The following TAF15 variants were observed in gnomAD, a reference collection of about 807,000 sequenced individuals.
TAF15 encodes the protein TATA-box binding protein associated factor 15, also known as TATA-binding protein-associated factor 2N.
Under a neutral mutation model 102.5 loss-of-function variants are expected in TAF15, and 37 were observed. That is an observed-to-expected ratio of 0.36 (90% confidence interval 0.28 to 0.47). The LOEUF (loss-of-function observed/expected upper bound fraction) is 0.47, where lower values mean the gene tolerates loss of function less well. Ranked by LOEUF, TAF15 falls within the 20% of genes least tolerant of loss-of-function variation. The pLI is 0.99. For missense variants in TAF15, 652 were observed against 760.7 expected, an observed-to-expected ratio of 0.86 and a Z score of 1.68; for synonymous variants, 273 against 259.2, an observed-to-expected ratio of 1.05 and a Z score of -0.51.
At chr17:35,842,283 A>T (rs1187763872) in intron 11 of TAF15, 84 bp from the exon 12 acceptor site, 1 of 1,044,156 alleles carries the variant, frequency 9.6e-7, no homozygotes. Context: ...CTCTGAAACT[A>T]AAGATTTCCA....
At chr17:35,845,649 A>G (rs979655334) in intron 15 of TAF15, among the ~76,000 whole-genome samples, 1 of 152,114 alleles carries the variant, frequency 6.6e-6, no homozygotes, top group African/African-American at 2.4e-5. Context: ...AGCTGGGACT[A>G]TGGGCGCCCG....
intron 1 of TAF15, among the ~76,000 whole-genome samples, chr17:35,814,865 T>G (rs910845045): frequency 1.3e-5 from 2 of 149,278 alleles, no homozygotes; most frequent in African/African-American, 5.0e-5. Flanking sequence ...AAAAAAAAAG[T>G]GTGTGTGTAT....
At chr17:35,817,069 G>A (rs988810531) in intron 1 of TAF15, 3 of 152,110 alleles carry the variant, frequency 2.0e-5, no homozygotes, top group Admixed American at 1.3e-4. Context: ...GCTTCCCATA[G>A]TGCTGGGATT....
At chr17:35,834,296 C>G in intron 8 of TAF15, 1 of 450,082 alleles carries the variant, frequency 2.2e-6, no homozygotes, top group South Asian at 3.6e-5. Context: ...TCAGCCTTTA[C>G]AACCAGAGCT....
At chr17:35,832,284 G>A (rs900082157) in intron 7 of TAF15, among the ~76,000 whole-genome samples, 2 of 152,122 alleles carry the variant, frequency 1.3e-5, no homozygotes, top group Admixed American at 6.5e-5. Context: ...TATAGGAAGG[G>A]CCTGAGTTTC....
rs775800221 is a variant in TAF15, at chr17:35,844,882, G to C, written c.1583G>C (p.Arg528Pro). The C allele has an allele frequency of 9.3e-6, 15 of 1,613,132 alleles. No homozygotes were observed. The South Asian group carries it at 1.6e-4, about 18-fold the overall frequency. The change falls in exon 15 of 16, where the codon CGG becomes CCG. Residue 528 changes from arginine to proline, a missense_variant. This residue lies in a region of TAF15 where 368 missense variants were observed against 367.5 expected (regional missense o/e 1.00). Transcript: ENST00000605844. ...GGAGGCTATGGAGGAGACAGAAGCC[G>C]GGGGGGCTATGGAGGAGACCGTGGT... ...DRGGYGGDRSRGGYGGDRGGG... is the reference protein window; with the variant it reads ...DRGGYGGDRSPGGYGGDRGGG...
At chr17:35,838,202 A>G (rs1366392993) in intron 10 of TAF15, among the ~76,000 whole-genome samples, 14 of 152,154 alleles carry the variant, frequency 9.2e-5, no homozygotes, top group Admixed American at 9.2e-4. Context: ...AATTATACAT[A>G]GATAAAACAG....
Position 35,809,724 on chromosome 17 carries a change from T to C in TAF15, c.7+148T>C, listed in dbSNP as rs1412785074. ...GGGGGCGGCCGCTGCCGCCGCCATG[T>C]TGAACTGGAGGCACGCACGCTCCCA... On this transcript the variant is annotated intron_variant, in intron 1 of 15. Transcript: ENST00000605844. 3.6e-6 allele frequency: 4 copies of C among 1,103,136 alleles called. No individual in the cohort carries two copies. The African/African-American group carries it at 6.2e-5, about 17-fold the overall frequency. The allele number at this position is 1,103,136 out of a possible 1,614,324, so 68.3% of individuals were successfully genotyped here.
rs780144032 is a variant in TAF15 at position 35,822,710 on chromosome 17, G to A, written c.361G>A (p.Gly121Ser). ...GQQDSYDQQS[G>S]YDQHQGSYDE... ...ACAAGATTCATATGACCAGCAGTCA[G>A]GCTATGATCAACATCAAGGCTCATA... is the stretch of plus-strand genomic sequence containing the variant. Residue 121 changes from glycine (G) to serine (S), a missense_variant, in exon 6 of 16, where the codon GGC becomes AGC. Physicochemically the swap from Gly to Ser is moderately conservative, Grantham distance 56. This residue lies in a region of TAF15 where 243 missense variants were observed against 284.1 expected (regional missense o/e 0.86). Coordinates refer to ENST00000605844, the MANE Select transcript of TAF15 (RefSeq NM_139215.3). 2 of 1,614,142 alleles carry A rather than the reference G, an allele frequency of 1.2e-6. No homozygotes were observed. Among genetic ancestry groups the A allele is most frequent in the South Asian group, 2.2e-5 (2 of 91,084 alleles).
intron 2 of TAF15, among the ~76,000 whole-genome samples, chr17:35,819,097 C>T (rs952134042): frequency 5.9e-5 from 9 of 152,080 alleles, no homozygotes; most frequent in Non-Finnish European, 1.3e-4. Context: ...AGAATAGCAC[C>T]TCAGATATCT....
intron 1 of TAF15, among the ~76,000 whole-genome samples, chr17:35,814,204 C>T (rs749405474): frequency 2.2e-4 from 33 of 151,538 alleles, no homozygotes; most frequent in Non-Finnish European, 3.8e-4. Flanking sequence ...CTCGCTCTGT[C>T]GCCCAGGCTG....
At chr17:35,836,026 C>A in intron 9 of TAF15, 106 bp from the exon 10 acceptor site, 1 of 782,042 alleles carries the variant, frequency 1.3e-6, no homozygotes, top group South Asian at 1.6e-5. Flanking sequence ...TCCTTTTGGT[C>A]ATAGAAACAA....
At chr17:35,834,370 A>T in intron 8 of TAF15, 196 bp from the exon 9 acceptor site, 1 of 593,706 alleles carries the variant, frequency 1.7e-6, no homozygotes, top group Non-Finnish European at 2.9e-6. Flanking sequence ...GTTAAAGGAA[A>T]TGTTGACATT....
chr17:35,828,629 G>A (rs562668186), intron 7 of TAF15, among the ~76,000 whole-genome samples: 1 of 152,222 alleles, frequency 6.6e-6, no homozygotes, highest in African/African-American at 2.4e-5. Context: ...TACTTGGGAA[G>A]CTGAGGTAGG....
intron 7 of TAF15, among the ~76,000 whole-genome samples, chr17:35,832,071 C>T (rs1407132338): frequency 6.6e-6 from 1 of 152,134 alleles, no homozygotes; most frequent in African/African-American, 2.4e-5. Context: ...GAGCAAGACT[C>T]CGTCTGGGAA....
intron 5 of TAF15, among the ~76,000 whole-genome samples, chr17:35,821,519 A>C (rs2087257427): frequency 6.6e-6 from 1 of 152,142 alleles, no homozygotes; most frequent in South Asian, 2.1e-4. Flanking sequence ...GAACATACTG[A>C]TCTTTTATTA....
chr17:35,843,126 TA>T, intron 12 of TAF15, among the ~76,000 whole-genome samples: 1 of 152,088 alleles, frequency 6.6e-6, no homozygotes. Flanking sequence ...ATTTTTTATT[TA>T]TTTATTTATT....
At chr17:35,834,513 T>C in intron 8 of TAF15, 53 bp from the exon 9 acceptor site, 2 of 1,572,392 alleles carry the variant, frequency 1.3e-6, no homozygotes, top group East Asian at 2.2e-5. Flanking sequence ...TTTTTGTTAA[T>C]GATTTTAAAT....
chr17:35,811,016 G>A (rs1488257860), intron 1 of TAF15: 2 of 152,202 alleles, frequency 1.3e-5, no homozygotes, highest in Non-Finnish European at 2.9e-5. Context: ...TTGGGATGAA[G>A]TCTGATAAAG....
Sources: allele counts gnomAD v4.1 joint callset (sites outside exome capture counted in the v4.1 genomes callset), GRCh38; gene constraint gnomAD v4.1.1; regional missense constraint gnomAD v4.1.1; transcripts MANE v1.5; gene names NCBI Gene and HGNC (gene_info 2026-07-23, HGNC 2026-07-21).